The following ASIC2 variants were observed in gnomAD, a reference collection of about 807,000 sequenced individuals.
ASIC2 encodes acid-sensing ion channel 2.
A neutral mutation model predicts 57.3 loss-of-function variants in ASIC2; 25 were observed. That is an observed-to-expected ratio of 0.44 (90% CI 0.32 to 0.61). ASIC2 has a LOEUF of 0.61. Ranked by LOEUF, ASIC2 falls within the 20% of genes least tolerant of loss-of-function variation. The pLI, the probability that ASIC2 is intolerant of heterozygous loss-of-function variation, is 0.06. For synonymous variants in ASIC2, 319 were observed against 307.5 expected, an observed-to-expected ratio of 1.04 and a Z score of -0.39; for missense variants, 641 against 738.1, an observed-to-expected ratio of 0.87 and a Z score of 1.52.
chr17:33,367,892 T>C (rs1009620978), intron 1 of ASIC2, among the ~76,000 whole-genome samples: 2 of 152,246 alleles, frequency 1.3e-5, no homozygotes, highest in Non-Finnish European at 2.9e-5. Context: ...AGCTTAGGTA[T>C]TCTCTTCTGA....
Position 33,595,415 on chromosome 17 carries a change from G to A in ASIC2, c.556-483348C>T, listed in dbSNP as rs1326468393. 3.9e-5 allele frequency among the ~76,000 whole-genome samples: 6 copies of A among 152,192 alleles called. No homozygotes were observed. The East Asian group carries it at 5.8e-4, about 15-fold the overall frequency. On this transcript the variant is annotated intron_variant, in intron 1 of 9. Transcript: ENST00000359872. ...ACAAGAGGGCTAAGGCTGGGAGCCC[G>A]GTTGTTCTAAGGCACTACAGTGTGA...
chr17:33,971,794 T>C (rs1366845078), intron 1 of ASIC2, among the ~76,000 whole-genome samples: 1 of 152,232 alleles, frequency 6.6e-6, no homozygotes, highest in Non-Finnish European at 1.5e-5. Context: ...CCAGACCTTG[T>C]GATGGATTTA....
chr17:33,350,959 C>A (rs1879116148), intron 1 of ASIC2, among the ~76,000 whole-genome samples: 1 of 152,192 alleles, frequency 6.6e-6, no homozygotes, highest in South Asian at 2.1e-4. Flanking sequence ...GATTCCACAG[C>A]ATTTCCTCAT....
At chr17:33,786,123 C>A (rs75328770) in intron 1 of ASIC2, among the ~76,000 whole-genome samples, 6,482 of 152,256 alleles carry the variant, frequency 0.043, 173 homozygotes, top group Middle Eastern at 0.092. Flanking sequence ...TGTGCCCCCC[C>A]CTTGATCATG....
At chr17:33,859,845 C>A (rs1187741014) in intron 1 of ASIC2, among the ~76,000 whole-genome samples, 1 of 152,136 alleles carries the variant, frequency 6.6e-6, no homozygotes, top group Non-Finnish European at 1.5e-5. Flanking sequence ...TGCTACCACA[C>A]CTAGCTAATT....
chr17:33,312,128 A>G (rs1284764714), intron 1 of ASIC2, among the ~76,000 whole-genome samples: 1 of 152,174 alleles, frequency 6.6e-6, no homozygotes. Flanking sequence ...TTGTCTCCTT[A>G]TCTTTAATGT....
At chr17:33,300,274 T>C (rs1905901826) in intron 1 of ASIC2, among the ~76,000 whole-genome samples, 1 of 150,894 alleles carries the variant, frequency 6.6e-6, no homozygotes, top group African/African-American at 2.5e-5. Flanking sequence ...GTGAATGTTG[T>C]TGACTAAAGT....
At chr17:33,864,901 C>T (rs981020536) in intron 1 of ASIC2, among the ~76,000 whole-genome samples, 1 of 152,036 alleles carries the variant, frequency 6.6e-6, no homozygotes, top group African/African-American at 2.4e-5. Flanking sequence ...GCCAGGAAAA[C>T]CAACTGCAAA....
intron 3 of ASIC2, among the ~76,000 whole-genome samples, chr17:33,071,032 A>G (rs2141949848): frequency 6.6e-6 from 1 of 152,028 alleles, no homozygotes; most frequent in African/African-American, 2.4e-5. Flanking sequence ...GACGCTTTTA[A>G]CATTTTCTTT....
chr17:33,233,536 A>G (rs1414815409), intron 1 of ASIC2, among the ~76,000 whole-genome samples: 1 of 151,784 alleles, frequency 6.6e-6, no homozygotes, highest in Non-Finnish European at 1.5e-5. Context: ...ACACACACAC[A>G]CACACACACA....
chr17:34,059,624 T>C (rs1470714390), intron 1 of ASIC2, among the ~76,000 whole-genome samples: 1 of 152,140 alleles, frequency 6.6e-6, no homozygotes, highest in African/African-American at 2.4e-5. Flanking sequence ...ACCCTCCTCC[T>C]GCAAACAGAC....
At chr17:33,857,667 G>A (rs1913998341) in intron 1 of ASIC2, among the ~76,000 whole-genome samples, 1 of 152,182 alleles carries the variant, frequency 6.6e-6, no homozygotes. Context: ...AGGCGCTGAG[G>A]TATCATCTTA....
intron 1 of ASIC2, among the ~76,000 whole-genome samples, chr17:33,990,397 C>G (rs184325986): frequency 6.6e-6 from 1 of 152,130 alleles, no homozygotes; most frequent in African/African-American, 2.4e-5. Context: ...CAATTGGGAT[C>G]GAGTCTTGGA....
chr17:33,541,076 GA>G (rs11300637), intron 1 of ASIC2, among the ~76,000 whole-genome samples: 15,237 of 151,470 alleles, frequency 0.1, 2,015 homozygotes, highest in African/African-American at 0.31. Context: ...TTTTCTTAGG[GA>G]AAAAAAATCA....
intron 1 of ASIC2, among the ~76,000 whole-genome samples, chr17:33,976,033 C>T (rs1905372945): frequency 6.6e-6 from 1 of 151,892 alleles, no homozygotes; most frequent in African/African-American, 2.4e-5. Flanking sequence ...CCTTTTTAAA[C>T]TTCTCTGCCC....
intron 1 of ASIC2, among the ~76,000 whole-genome samples, chr17:33,861,895 G>T (rs962110986): frequency 6.6e-6 from 1 of 152,174 alleles, no homozygotes; most frequent in Admixed American, 6.5e-5. Context: ...AAGCAACTGG[G>T]AGCAGGTGGG....
At chr17:33,743,271 G>C (rs1322933043) in intron 1 of ASIC2, among the ~76,000 whole-genome samples, 1 of 152,228 alleles carries the variant, frequency 6.6e-6, no homozygotes, top group Non-Finnish European at 1.5e-5. Flanking sequence ...ACTATAATGT[G>C]GTGAGAACAA....
chr17:33,506,610 G>A (rs1914271927), intron 1 of ASIC2, among the ~76,000 whole-genome samples: 1 of 152,172 alleles, frequency 6.6e-6, no homozygotes, highest in Admixed American at 6.5e-5. Flanking sequence ...CACACAATCT[G>A]TAGTGTAGCA....
intron 1 of ASIC2, among the ~76,000 whole-genome samples, chr17:33,584,151 A>C (rs1347881803): frequency 6.6e-6 from 1 of 152,192 alleles, no homozygotes; most frequent in Non-Finnish European, 1.5e-5. Context: ...TAAACACTGG[A>C]TAATAAAACC....
Sources: gnomAD v4.1 joint callset for allele counts (sites outside exome capture counted in the v4.1 genomes callset) on GRCh38, gnomAD v4.1.1 for gene constraint, MANE v1.5 for transcripts, NCBI Gene and HGNC (gene_info 2026-07-23, HGNC 2026-07-21) for gene names.